Variants in MAGI3 observed in about 807,000 individuals in gnomAD.
MAGI3 encodes the protein membrane-associated guanylate kinase, WW and PDZ domain-containing protein 3.
MAGI3 carries 43 observed loss-of-function variants against 121.8 expected under a neutral mutation model. That is an observed-to-expected ratio of 0.35 (90% CI 0.28 to 0.46). MAGI3 has a LOEUF of 0.46. Among genes scored for constraint, MAGI3 ranks in the 20% least tolerant of loss-of-function variants. The pLI is 1.00. For synonymous variants in MAGI3, 553 were observed against 639.3 expected, an observed-to-expected ratio of 0.86 and a Z score of 2.04; for missense variants, 1,547 against 1,797.3, an observed-to-expected ratio of 0.86 and a Z score of 2.52.
At chr1:113,426,121 ATTTTTAAATGTTCCTTTGAGAC>A (rs1288020548) in intron 1 of MAGI3, among the ~76,000 whole-genome samples, 3 of 152,038 alleles carry the variant, frequency 2.0e-5, no homozygotes, top group Non-Finnish European at 4.4e-5. Flanking sequence ...AATTCTGTGT[ATTTTTAAATGTTCCTTTGAGAC>A]TTCCTGTTTG....
chr1:113,412,840 T>C (rs1388260079), intron 1 of MAGI3, among the ~76,000 whole-genome samples: 1 of 152,220 alleles, frequency 6.6e-6, no homozygotes, highest in East Asian at 1.9e-4. Flanking sequence ...CTGTTCACTC[T>C]GATGGTAGTT....
At chr1:113,445,851 A>T (rs1654152195) in intron 1 of MAGI3, among the ~76,000 whole-genome samples, 1 of 152,216 alleles carries the variant, frequency 6.6e-6, no homozygotes, top group African/African-American at 2.4e-5. Context: ...TAAACAAAAG[A>T]TGAGGGATTT....
chr1:113,516,390 CAAAAAAAAAAAA>C (rs60186333), intron 1 of MAGI3, among the ~76,000 whole-genome samples: 4 of 70,996 alleles, frequency 5.6e-5, no homozygotes, highest in African/African-American at 1.8e-4. Context: ...GAAGTTCTCA[CAAAAAAAAAAAA>C]AAAAAAAAAA....
At chr1:113,536,118 C>G (rs548631240) in intron 1 of MAGI3, among the ~76,000 whole-genome samples, 1 of 149,602 alleles carries the variant, frequency 6.7e-6, no homozygotes, top group East Asian at 2.0e-4. Context: ...TGTTCTTAAG[C>G]TGTCCACAAT....
intron 19 of MAGI3, among the ~76,000 whole-genome samples, chr1:113,680,553 C>G (rs1466905272): frequency 2.0e-5 from 3 of 151,832 alleles, no homozygotes; most frequent in Non-Finnish European, 2.9e-5. Flanking sequence ...GTCAGGAGAT[C>G]GAGACCATCC....
intron 16 of MAGI3, among the ~76,000 whole-genome samples, chr1:113,662,687 C>T (rs1257352974): frequency 1.3e-5 from 2 of 152,150 alleles, no homozygotes; most frequent in Admixed American, 1.3e-4. Context: ...GTTTTATGTA[C>T]TGCATTTTAT....
At chr1:113,655,935 C>T (rs1030382164) in intron 15 of MAGI3, among the ~76,000 whole-genome samples, 7 of 151,996 alleles carry the variant, frequency 4.6e-5, no homozygotes, top group African/African-American at 1.2e-4. Context: ...AAATTGTCAC[C>T]GTCTCTTAAC....
At chr1:113,608,816 A>C (rs972457316) in intron 6 of MAGI3, among the ~76,000 whole-genome samples, 2 of 152,214 alleles carry the variant, frequency 1.3e-5, no homozygotes, top group Non-Finnish European at 2.9e-5. Flanking sequence ...TGCTCTTTAC[A>C]TTAAGGCTGA....
chr1:113,649,027 C>G (rs919488207), intron 12 of MAGI3, among the ~76,000 whole-genome samples: 1 of 152,034 alleles, frequency 6.6e-6, no homozygotes, highest in Non-Finnish European at 1.5e-5. Flanking sequence ...TCTAAACAGT[C>G]TTCATACAGT....
intron 3 of MAGI3, among the ~76,000 whole-genome samples, chr1:113,584,366 C>G (rs2101725330): frequency 6.6e-6 from 1 of 152,206 alleles, no homozygotes; most frequent in East Asian, 1.9e-4. Context: ...TGTTTTCATT[C>G]TTTTCTGGAA....
At chr1:113,567,322 C>T (rs1027947663) in intron 2 of MAGI3, among the ~76,000 whole-genome samples, 1 of 151,990 alleles carries the variant, frequency 6.6e-6, no homozygotes, top group Non-Finnish European at 1.5e-5. Flanking sequence ...AAGCCCAGGA[C>T]CAGGTGGGTC....
Position 113,390,989 on chromosome 1 carries a change from CG to C in MAGI3, c.-43del, listed in dbSNP as rs541162182. The C allele has an allele frequency of 1.1e-3, 1,620 of 1,484,772 alleles. 13 individuals carry two copies. In the African/African-American group the frequency reaches 0.022, roughly 20 times the overall value. The allele number at this position is 1,484,772 out of a possible 1,614,324, so 92.0% of individuals were successfully genotyped here. ...CTGAGACGGGGCCGGAGCGGCGCCC[CG>C]GCCGCCCGCGCGGGGTCTCCCCCAT... On this transcript the variant is annotated 5_prime_UTR_variant, in exon 1 of 21. Transcript: ENST00000307546.
chr1:113,615,671 ATG>A (rs1253249376), intron 7 of MAGI3, among the ~76,000 whole-genome samples: 1 of 152,142 alleles, frequency 6.6e-6, no homozygotes, highest in Non-Finnish European at 1.5e-5. Context: ...TTAAAATTAA[ATG>A]TGTCTCCTAA....
At chr1:113,419,238 T>G (rs1222498586) in intron 1 of MAGI3, among the ~76,000 whole-genome samples, 2 of 152,162 alleles carry the variant, frequency 1.3e-5, no homozygotes, top group South Asian at 2.1e-4. Context: ...TAAGGAGTCA[T>G]ATGACTGAAA....
intron 2 of MAGI3, among the ~76,000 whole-genome samples, chr1:113,574,535 G>C (rs1179922867): frequency 6.6e-6 from 1 of 151,980 alleles, no homozygotes; most frequent in Non-Finnish European, 1.5e-5. Flanking sequence ...CTTCTGGCTT[G>C]AAGGGTTTCT....
At chr1:113,644,759 T>A (rs745631816) in intron 11 of MAGI3, among the ~76,000 whole-genome samples, 1 of 152,220 alleles carries the variant, frequency 6.6e-6, no homozygotes, top group Non-Finnish European at 1.5e-5. Flanking sequence ...GCTGCTGTTG[T>A]GGAAGAAACT....
At chr1:113,522,666 C>T (rs1658256844) in intron 1 of MAGI3, among the ~76,000 whole-genome samples, 1 of 152,174 alleles carries the variant, frequency 6.6e-6, no homozygotes, top group African/African-American at 2.4e-5. Context: ...TCTTCCCCAA[C>T]TTTTTTTAAA....
intron 7 of MAGI3, among the ~76,000 whole-genome samples, chr1:113,616,269 G>A (rs1422620417): frequency 6.6e-6 from 1 of 152,206 alleles, no homozygotes; most frequent in Non-Finnish European, 1.5e-5. Flanking sequence ...TTCCCAGAAT[G>A]AGCTCATTTT....
At chr1:113,661,079 C>CA (rs1173978330) in intron 16 of MAGI3, among the ~76,000 whole-genome samples, 3 of 151,944 alleles carry the variant, frequency 2.0e-5, no homozygotes, top group Non-Finnish European at 4.4e-5. Flanking sequence ...AGTTACATGA[C>CA]AAAAAAACTA....
Sources: gnomAD v4.1 joint callset for allele counts (sites outside exome capture counted in the v4.1 genomes callset) on GRCh38, gnomAD v4.1.1 for gene constraint, MANE v1.5 for transcripts, NCBI Gene and HGNC (gene_info 2026-07-23, HGNC 2026-07-21) for gene names.